PKHD1: variants seen among roughly 807,000 people sequenced by gnomAD.
PKHD1 encodes PKHD1 ciliary IPT domain containing fibrocystin/polyductin, also known as fibrocystin.
In PKHD1, 291 loss-of-function variants were observed where a neutral mutation model predicts 412.0. The ratio of observed to expected loss-of-function variants is 0.71; its 90% CI spans 0.64 to 0.78. The LOEUF (loss-of-function observed/expected upper bound fraction) is 0.78, where lower values mean the gene tolerates loss of function less well. Ranked by LOEUF, PKHD1 falls within the 30% of genes least tolerant of loss-of-function variation. The pLI is 0.00. For synonymous variants in PKHD1, 1,777 were observed against 1,821.5 expected (o/e 0.98, Z 0.62); for missense variants, 4,825 against 4,950.7 (o/e 0.97, Z 0.76).
chr6:51,902,271 C>T (rs1226328758), intron 43 of PKHD1, among the ~76,000 whole-genome samples: 2 of 152,182 alleles, frequency 1.3e-5, no homozygotes, highest in African/African-American at 4.8e-5. Flanking sequence ...TCTTGTAAGT[C>T]TGAAATTATT....
chr6:51,907,355 A>G (rs1782267284), intron 40 of PKHD1, among the ~76,000 whole-genome samples: 1 of 152,208 alleles, frequency 6.6e-6, no homozygotes, highest in Non-Finnish European at 1.5e-5. Context: ...ATTCCCCTCA[A>G]TCTCAGCTCT....
chr6:52,047,388 T>C (rs1318759810), intron 23 of PKHD1, among the ~76,000 whole-genome samples: 1 of 152,164 alleles, frequency 6.6e-6, no homozygotes, highest in East Asian at 1.9e-4. Flanking sequence ...CTAGGGACTT[T>C]CTGCTTGGGA....
intron 49 of PKHD1, among the ~76,000 whole-genome samples, chr6:51,848,344 C>A (rs1415275962): frequency 6.6e-6 from 1 of 152,144 alleles, no homozygotes; most frequent in African/African-American, 2.4e-5. Context: ...GCTTTTCCCA[C>A]GACTTGAAGC....
chr6:51,932,982 A>G (rs1177242469), intron 37 of PKHD1, among the ~76,000 whole-genome samples: 1 of 152,154 alleles, frequency 6.6e-6, no homozygotes, highest in Non-Finnish European at 1.5e-5. Context: ...CAATTATCCT[A>G]TGACAAGTGG....
At chr6:52,048,444 G>T (rs746593187) in intron 23 of PKHD1, 48 bp downstream of exon 23, 5 of 1,587,894 alleles carry the variant, frequency 3.1e-6, no homozygotes, top group Admixed American at 3.3e-5. Context: ...GGGAATGTGA[G>T]TGAGAATATG....
At position 51,713,514 on chromosome 6, in the gene PKHD1, GA is replaced by G. The variant is rs1780890722; in HGVS notation, c.10156+30870del. ...AGAGAGGGAAGGGCAATGTAAGACA[GA>G]AAAGATCTGCCGTGAGTAAGAACAT... On this transcript the variant is annotated intron_variant, in intron 60 of 66. Coordinates refer to ENST00000371117, the MANE Select transcript of PKHD1 (RefSeq NM_138694.4). 3.3e-5 allele frequency among the ~76,000 whole-genome samples: 5 copies of G among 152,204 alleles called. No individual in the cohort carries two copies. The South Asian group carries it at 1.0e-3, about 31-fold the overall frequency.
chr6:51,655,070 AGTAGTGAATTTGTACT>A (rs1445055020), intron 61 of PKHD1, among the ~76,000 whole-genome samples: 5 of 152,146 alleles, frequency 3.3e-5, no homozygotes, highest in African/African-American at 1.2e-4. Flanking sequence ...AATTAAACAA[AGTAGTGAATTTGTACT>A]GTAGTGAAAA....
Position 51,615,905 on chromosome 6 carries a change from T to C in PKHD1, c.*3176A>G, listed in dbSNP as rs1271490907. 1 of 152,086 alleles carries C rather than the reference T, an allele frequency of 6.6e-6. No homozygotes were observed. Among genetic ancestry groups the C allele is most frequent in the Admixed American group, 6.6e-5 (1 of 15,258 alleles). 9.4% of individuals were successfully genotyped at this position (152,086 alleles called of 1,614,324 possible). A position where few individuals can be genotyped will look rare whatever the true frequency, so the allele number is the denominator to read the frequency against. The stretch of plus-strand genomic sequence containing the variant: ...CTCGCACTCTGGAAGAGACTTGAAG[T>C]TCTGTTGGTCAGGTACTTTCCCTGA... On this transcript the variant is annotated 3_prime_UTR_variant, in exon 67 of 67. Coordinates refer to ENST00000371117, the MANE Select transcript of PKHD1 (RefSeq NM_138694.4).
rs777715728 is a variant in PKHD1, at chr6:52,055,631, G to A, written c.1792C>T (p.Pro598Ser). 1 of 1,613,998 alleles carries A rather than the reference G, an allele frequency of 6.2e-7. No homozygotes were observed. The stretch of plus-strand genomic sequence containing the variant: ...CGATAGCCCTTCTGGGCAGCCGGGG[G>A]AGTAAGGACAAGGTGTCGAGGCTGA... ...LRQPRHLVLT[P>S]PAAQKGYRLD... is the part of the protein sequence containing the mutation. Residue 598 changes from proline to serine, a missense_variant, in exon 19 of 67, where the codon CCC becomes TCC. Transcript: ENST00000371117.
intron 66 of PKHD1, among the ~76,000 whole-genome samples, chr6:51,620,509 T>C (rs898140962): frequency 6.6e-6 from 1 of 152,100 alleles, no homozygotes; most frequent in African/African-American, 2.4e-5. Flanking sequence ...AATACTGTCA[T>C]CTACTTTTAC....
chr6:51,818,023 A>G (rs774320866), intron 52 of PKHD1, among the ~76,000 whole-genome samples: 6 of 152,210 alleles, frequency 3.9e-5, no homozygotes, highest in Non-Finnish European at 7.3e-5. Context: ...TTTTTTATCC[A>G]GACACTAAAT....
At chr6:51,783,317 G>C (rs10948645) in intron 53 of PKHD1, among the ~76,000 whole-genome samples, 1 of 148,602 alleles carries the variant, frequency 6.7e-6, no homozygotes, top group African/African-American at 2.5e-5. Context: ...ATTAGGATAT[G>C]TGTTTCAAAA....
chr6:51,971,708 T>TTTTTGTTTTGTTTTG (rs141477157), intron 35 of PKHD1, among the ~76,000 whole-genome samples: 11 of 149,646 alleles, frequency 7.4e-5, no homozygotes, highest in South Asian at 4.3e-4. Context: ...TTTTTTTTGC[T>TTTTTGTTTTGTTTTG]TTTTGTTTTG....
In PKHD1 at chr6:52,025,223, A is replaced by T; in HGVS notation, c.4587T>A (p.Thr1529=). The change falls in exon 32 of 67, where the codon ACT becomes ACA. Residue 1529 remains threonine (T), a synonymous_variant. Transcript: ENST00000371117. ...FVDDQLPCNV[T]FFNASHVVCQ... ...ACACAACGTGGCTTGCATTAAAAAA[A>T]GTTACATTGCAAGGAAGTTGATCAT... 1 of 1,614,190 alleles carries T rather than the reference A, an allele frequency of 6.2e-7. No individual in the cohort carries two copies. The highest frequency in any genetic ancestry group is 8.5e-7 in the Non-Finnish European group (1 of 1,180,024).
At chr6:52,077,028 T>C (rs1391575242) in intron 5 of PKHD1, among the ~76,000 whole-genome samples, 2 of 152,156 alleles carry the variant, frequency 1.3e-5, no homozygotes, top group African/African-American at 4.8e-5. Flanking sequence ...CATCTTACAA[T>C]GCCCCCTGTC....
chr6:51,809,934 C>G (rs1182234098), intron 52 of PKHD1, among the ~76,000 whole-genome samples: 1 of 150,316 alleles, frequency 6.7e-6, no homozygotes, highest in Admixed American at 6.6e-5. Flanking sequence ...GCTGTGCTTT[C>G]TATCCTATTT....
At chr6:51,692,996 T>C (rs576565880) in intron 60 of PKHD1, among the ~76,000 whole-genome samples, 1 of 152,340 alleles carries the variant, frequency 6.6e-6, no homozygotes, top group African/African-American at 2.4e-5. Context: ...TTCTCTCTTA[T>C]CTTTGTTTCT....
chr6:51,803,472 T>A (rs1359676), intron 52 of PKHD1, among the ~76,000 whole-genome samples: 90,306 of 150,012 alleles, frequency 0.6, 28,097 homozygotes, highest in East Asian at 0.83. Context: ...ATATCCTTGC[T>A]TGGTAAACAT....
chr6:51,989,125 T>C (rs2024444366), intron 35 of PKHD1, among the ~76,000 whole-genome samples: 1 of 152,142 alleles, frequency 6.6e-6, no homozygotes, highest in African/African-American at 2.4e-5. Context: ...TCCACTCCAG[T>C]CTCCAGGGCC....
Sources: gnomAD v4.1 joint callset for allele counts (sites outside exome capture counted in the v4.1 genomes callset) on GRCh38, gnomAD v4.1.1 for gene constraint, MANE v1.5 for transcripts, NCBI Gene and HGNC (gene_info 2026-07-23, HGNC 2026-07-21) for gene names.